Variants in GHR observed in about 807,000 individuals in gnomAD.
GHR encodes the protein growth hormone receptor.
A neutral mutation model predicts 67.1 loss-of-function variants in GHR; 35 were observed. That is an observed-to-expected ratio of 0.52 (90% CI 0.40 to 0.69). The LOEUF (loss-of-function observed/expected upper bound fraction) is 0.69. GHR is among the 30% of genes least tolerant of loss of function. GHR has a pLI of 0.00. For missense variants in GHR, 792 were observed against 764.6 expected, an observed-to-expected ratio of 1.04 and a Z score of -0.42; for synonymous variants, 272 against 269.1, an observed-to-expected ratio of 1.01 and a Z score of -0.10.
intron 2 of GHR, among the ~76,000 whole-genome samples, chr5:42,590,516 A>C (rs1454870071): frequency 1.3e-5 from 2 of 152,180 alleles, no homozygotes; most frequent in Non-Finnish European, 2.9e-5. Flanking sequence ...AGAAAATGGA[A>C]ACACCATTCA....
chr5:42,719,355 G>C lies in GHR; in HGVS notation c.1848G>C (p.Leu616Phe). 4 of 1,614,036 alleles carry C rather than the reference G, an allele frequency of 2.5e-6. No individual in the cohort carries two copies. Among genetic ancestry groups the C allele is most frequent in the Non-Finnish European group, 3.4e-6 (4 of 1,179,920 alleles). ...GLILNATALP[L>F]PDKEFLSSCG... ...TACTCAATGCGACTGCCTTGCCCTT[G>C]CCTGACAAAGAGTTTCTCTCATCAT... Residue 616 changes from leucine to phenylalanine, a missense_variant, in exon 10 of 10, where the codon TTG becomes TTC. Leu to Phe is a conservative substitution (Grantham distance 22). Coordinates refer to ENST00000230882, the MANE Select transcript of GHR (RefSeq NM_000163.5).
At chr5:42,435,809 C>G (rs1460970530) in intron 1 of GHR, among the ~76,000 whole-genome samples, 1 of 152,166 alleles carries the variant, frequency 6.6e-6, no homozygotes, top group African/African-American at 2.4e-5. Flanking sequence ...TTAATTTGGG[C>G]CCTCTCATGT....
chr5:42,521,290 A>G (rs1747463778), intron 1 of GHR, among the ~76,000 whole-genome samples: 1 of 152,084 alleles, frequency 6.6e-6, no homozygotes, highest in Non-Finnish European at 1.5e-5. Context: ...TTTGTGTGAA[A>G]ATTTTCCCCT....
At chr5:42,487,004 C>T (rs1272176671) in intron 1 of GHR, among the ~76,000 whole-genome samples, 1 of 152,020 alleles carries the variant, frequency 6.6e-6, no homozygotes, top group Non-Finnish European at 1.5e-5. Context: ...GGTTCACTGA[C>T]CTGAGTTTGT....
intron 1 of GHR, among the ~76,000 whole-genome samples, chr5:42,493,961 A>G (rs1293020694): frequency 6.6e-6 from 1 of 152,166 alleles, no homozygotes; most frequent in East Asian, 1.9e-4. Flanking sequence ...ACTGGCATTG[A>G]GCTCTTGGAG....
At chr5:42,644,870 A>G (rs1451423083) in intron 3 of GHR, among the ~76,000 whole-genome samples, 2 of 152,116 alleles carry the variant, frequency 1.3e-5, no homozygotes, top group African/African-American at 4.8e-5. Context: ...ATAATCCCTC[A>G]TGAACAGATG....
chr5:42,567,060 A>G (rs1374983024), intron 2 of GHR, among the ~76,000 whole-genome samples: 2 of 152,214 alleles, frequency 1.3e-5, no homozygotes, highest in African/African-American at 4.8e-5. Context: ...ATGCAAGTCA[A>G]ACATGGAGAG....
chr5:42,551,837 A>T (rs2112422658), intron 1 of GHR, among the ~76,000 whole-genome samples: 1 of 152,276 alleles, frequency 6.6e-6, no homozygotes, highest in South Asian at 2.1e-4. Flanking sequence ...ATTTTCTATA[A>T]GTTTTCTTCC....
rs537860416 is a variant in GHR at position 42,586,822 on chromosome 5, T to C, written c.70+20878T>C. On this transcript the variant is annotated intron_variant, in intron 2 of 9. Coordinates refer to ENST00000230882, the MANE Select transcript of GHR (RefSeq NM_000163.5). ...GGCTGGGACTACAGCCAAAGCCAAA[T>C]GAAGGTGCAGAATTTAGGACTAAAA... is the stretch of plus-strand genomic sequence containing the variant. 1.1e-4 allele frequency among the ~76,000 whole-genome samples: 16 copies of C among 152,110 alleles called. No individual in the cohort carries two copies. In the South Asian group the frequency reaches 1.5e-3, roughly 14 times the overall value.
chr5:42,553,051 T>C (rs747357688), intron 1 of GHR, among the ~76,000 whole-genome samples: 1 of 152,234 alleles, frequency 6.6e-6, no homozygotes, highest in Non-Finnish European at 1.5e-5. Flanking sequence ...ATCTTCCTGA[T>C]TAATGTTTAC....
At chr5:42,646,915 T>A (rs1754761076) in intron 3 of GHR, among the ~76,000 whole-genome samples, 1 of 152,140 alleles carries the variant, frequency 6.6e-6, no homozygotes. Flanking sequence ...GATTTTGAGA[T>A]CTTATTTCCT....
At chr5:42,519,034 AG>A (rs1256890234) in intron 1 of GHR, among the ~76,000 whole-genome samples, 1 of 152,232 alleles carries the variant, frequency 6.6e-6, no homozygotes, top group Non-Finnish European at 1.5e-5. Context: ...TGTTTAGTCC[AG>A]CTGCTGGATG....
intron 2 of GHR, among the ~76,000 whole-genome samples, chr5:42,624,067 C>G (rs781509700): frequency 2.0e-5 from 3 of 152,148 alleles, no homozygotes; most frequent in Non-Finnish European, 4.4e-5. Context: ...AATCTGTAGT[C>G]TTTCCATGAG....
intron 2 of GHR, among the ~76,000 whole-genome samples, chr5:42,576,084 TA>T (rs1311140528): frequency 0.042 from 3,979 of 94,530 alleles, 105 homozygotes; most frequent in Non-Finnish European, 0.059. Context: ...TAAAATAAAA[TA>T]AAATAAAATA....
intron 2 of GHR, among the ~76,000 whole-genome samples, chr5:42,605,395 C>G (rs907123936): frequency 6.6e-6 from 1 of 151,954 alleles, no homozygotes; most frequent in Admixed American, 6.6e-5. Context: ...TGAGAGCCAC[C>G]GCGCCCGGCC....
At chr5:42,692,306 A>G (rs540309629) in intron 4 of GHR, among the ~76,000 whole-genome samples, 2 of 151,930 alleles carry the variant, frequency 1.3e-5, no homozygotes, top group East Asian at 1.9e-4. Flanking sequence ...CTTATTTTTA[A>G]TGATAGTCTC....
rs1404401010 is a variant in GHR, at chr5:42,476,210, G to GT, written c.-12+52256dup. ...GAGCCACCGCGCCCGGCTTTTTGTT[G>GT]TGTTTTTTGTTTTTGTTTTTGTTTT... On this transcript the variant is annotated intron_variant, in intron 1 of 9. Coordinates refer to ENST00000230882, the MANE Select transcript of GHR (RefSeq NM_000163.5). Among the ~76,000 whole-genome samples the GT allele has an allele frequency of 4.7e-3, 598 of 128,444 alleles. 4 individuals are homozygous for GT. Among genetic ancestry groups the GT allele is most frequent in the African/African-American group, 0.017 (560 of 33,706 alleles). 84.3% of individuals were successfully genotyped at this position (128,444 alleles called of 152,430 possible).
chr5:42,638,258 G>A (rs1170930190), intron 3 of GHR, among the ~76,000 whole-genome samples: 2 of 151,990 alleles, frequency 1.3e-5, no homozygotes, highest in South Asian at 2.1e-4. Context: ...CATCAAGTTT[G>A]TACTGGTTAC....
At chr5:42,549,061 A>G (rs1247333921) in intron 1 of GHR, among the ~76,000 whole-genome samples, 2 of 152,240 alleles carry the variant, frequency 1.3e-5, no homozygotes. Context: ...TTTATTTTGC[A>G]TCTTTAGTCT....
Sources: gnomAD v4.1 joint callset for allele counts (sites outside exome capture counted in the v4.1 genomes callset) on GRCh38, gnomAD v4.1.1 for gene constraint, MANE v1.5 for transcripts, NCBI Gene and HGNC (gene_info 2026-07-23, HGNC 2026-07-21) for gene names.